HEATR1: variants seen among roughly 807,000 people sequenced by gnomAD.
HEATR1 encodes HEAT repeat containing 1, also known as HEAT repeat-containing protein 1.
HEATR1 carries 77 observed loss-of-function variants against 248.2 expected under a neutral mutation model. The observed-to-expected ratio is 0.31, with a 90% CI of 0.26 to 0.37. The LOEUF (loss-of-function observed/expected upper bound fraction) is 0.37, where lower values mean the gene tolerates loss of function less well. Ranked by LOEUF, HEATR1 falls within the 10% of genes least tolerant of loss-of-function variation. The pLI is 1.00. For synonymous variants in HEATR1, 897 were observed against 923.1 expected (o/e 0.97, Z 0.51); for missense variants, 2,420 against 2,504.9 (o/e 0.97, Z 0.72).
intron 13 of HEATR1, 45 bp downstream of exon 13, chr1:236,587,903 A>C: frequency 7.2e-7 from 1 of 1,390,708 alleles, no homozygotes. Flanking sequence ...AAGGGCAAGG[A>C]AATTTACAAA....
rs1231889192 is a variant in HEATR1 at position 236,551,234 on chromosome 1, TC to T, written c.6347-245del. On this transcript the variant is annotated intron_variant, in intron 44 of 44. Coordinates refer to ENST00000366582, the MANE Select transcript of HEATR1 (RefSeq NM_018072.6). ...AATAAGAATCCCCAAAACTCAAACT[TC>T]CTAGGGATGCCACCCCTTTAGTAGC... 19 of 478,836 alleles carry T rather than the reference TC, an allele frequency of 4.0e-5. No homozygotes were observed. In the East Asian group the frequency reaches 6.2e-4, roughly 16 times the overall value. 29.7% of individuals were successfully genotyped at this position (478,836 alleles called of 1,614,324 possible). A position where few individuals can be genotyped will look rare whatever the true frequency, so the allele number is the denominator to read the frequency against.
chr1:236,566,339 T>A (rs951593462), intron 30 of HEATR1, among the ~76,000 whole-genome samples: 4 of 152,168 alleles, frequency 2.6e-5, no homozygotes, highest in African/African-American at 9.7e-5. Flanking sequence ...GAAGAGACAC[T>A]GTTTCATTAC....
At chr1:236,571,274 T>C in intron 28 of HEATR1, 77 bp downstream of exon 28, 2 of 1,490,536 alleles carry the variant, frequency 1.3e-6, no homozygotes, top group Non-Finnish European at 1.8e-6. Context: ...AAATTTAAAA[T>C]CAACAGGTGC....
chr1:236,589,688 T>G (rs1199550654), intron 12 of HEATR1, among the ~76,000 whole-genome samples: 1 of 152,220 alleles, frequency 6.6e-6, no homozygotes, highest in East Asian at 1.9e-4. Flanking sequence ...ACGTTTACAC[T>G]GCCATGTGCT....
chr1:236,552,693 TAG>T (rs1199184136), intron 43 of HEATR1: 1 of 152,270 alleles, frequency 6.6e-6, no homozygotes, highest in Non-Finnish European at 1.5e-5. Context: ...AAGCAAGCAG[TAG>T]TTGGGTATTG....
Position 236,596,881 on chromosome 1 carries a change from G to A in HEATR1, c.699C>T (p.Asp233=), listed in dbSNP as rs12135515. ...TIVSALVAAE[D]VSDNIIAKLF... ...GTTTGGCGATGATATTGTCTGATAC[G>A]TCCTCTGCAGCTACCAGCGCCGACA... Residue 233 remains aspartate, a synonymous_variant, in exon 6 of 45, where the codon GAC becomes GAT. Transcript: ENST00000366582. 0.016 allele frequency: 26,105 copies of A among 1,613,870 alleles called. 256 individuals carry two copies. The highest frequency in any genetic ancestry group is 0.04 in the African/African-American group (2,971 of 74,992).
At chr1:236,556,500 C>T (rs1248293621) in intron 37 of HEATR1, among the ~76,000 whole-genome samples, 1 of 152,214 alleles carries the variant, frequency 6.6e-6, no homozygotes, top group African/African-American at 2.4e-5. Flanking sequence ...ACACACAGCA[C>T]CCAGACAGAT....
At position 236,558,352 on chromosome 1, in the gene HEATR1, C is replaced by T. The variant is rs1204014051; in HGVS notation, c.5089G>A (p.Val1697Met). The T allele has an allele frequency of 6.2e-7, 1 of 1,614,212 alleles. No individual in the cohort carries two copies. Among genetic ancestry groups the T allele is most frequent in the South Asian group, 1.1e-5 (1 of 91,084 alleles). ...TTTCTCTCTGGAGCAATCAGTTTCA[C>T]AGCAGTGTTCAGCACTGGGACAAAA... is the stretch of plus-strand genomic sequence containing the variant. ...DPFVPVLNTA[V>M]KLIAPERKEE... Residue 1697 changes from valine (V) to methionine (M), a missense_variant, in exon 36 of 45, where the codon GTG (valine) becomes ATG (methionine). Coordinates refer to ENST00000366582, the MANE Select transcript of HEATR1 (RefSeq NM_018072.6).
chr1:236,573,829 T>C (rs1208540782), intron 24 of HEATR1, among the ~76,000 whole-genome samples: 2 of 152,132 alleles, frequency 1.3e-5, no homozygotes, highest in Non-Finnish European at 2.9e-5. Flanking sequence ...AATTCCATTA[T>C]ATGTCATTAA....
In HEATR1 at chr1:236,559,752, G is replaced by A. The variant is rs984400999; in HGVS notation, c.4732C>T (p.Arg1578Cys). ...TCGTAAGCTTTACTAAGGAGCGCGC[G>A]CCAGAACTTCACGGTGAGTTTGTCT... ...NADKLTVKFW[R>C]ALLSKAYDLL... Residue 1578 changes from arginine to cysteine, a missense_variant, in exon 34 of 45, where the codon CGC becomes TGC. By Grantham distance (180) the Arg-to-Cys change is radical. Coordinates refer to ENST00000366582, the MANE Select transcript of HEATR1 (RefSeq NM_018072.6). 3.7e-6 allele frequency: 6 copies of A among 1,613,822 alleles called. No individual in the cohort carries two copies. The highest frequency in any genetic ancestry group is 2.7e-5 in the African/African-American group (2 of 74,862).
intron 44 of HEATR1, chr1:236,551,749 C>T (rs1046436698): frequency 7.2e-5 from 28 of 389,548 alleles, no homozygotes; most frequent in Admixed American, 2.2e-4. Context: ...AAGAAAAGAT[C>T]GTGAAGATTA....
At chr1:236,577,277 G>C (rs989919481) in intron 20 of HEATR1, among the ~76,000 whole-genome samples, 3 of 148,674 alleles carry the variant, frequency 2.0e-5, no homozygotes, top group Non-Finnish European at 4.5e-5. Flanking sequence ...TCAGCCTCTT[G>C]AGCAGCTGGG....
At chr1:236,563,747 T>C (rs1663198049) in intron 32 of HEATR1, among the ~76,000 whole-genome samples, 3 of 152,196 alleles carry the variant, frequency 2.0e-5, no homozygotes, top group Admixed American at 2.0e-4. Flanking sequence ...TCCTTCCTTT[T>C]CTCTCATTGT....
intron 22 of HEATR1, among the ~76,000 whole-genome samples, chr1:236,575,359 C>T (rs1572041826): frequency 6.6e-6 from 1 of 152,152 alleles, no homozygotes; most frequent in Non-Finnish European, 1.5e-5. Context: ...CAACAGACCA[C>T]CTGTTTTTGT....
chr1:236,599,978 A>G (rs1387236961), intron 3 of HEATR1, among the ~76,000 whole-genome samples: 1 of 147,202 alleles, frequency 6.8e-6, no homozygotes, highest in Non-Finnish European at 1.5e-5. Flanking sequence ...CTGCAGCCTC[A>G]ACCTCCCAGG....
rs760094476 is a variant in HEATR1, at chr1:236,555,986, A to G, written c.5515-47T>C. 25 of 1,610,136 alleles carry G rather than the reference A, an allele frequency of 1.6e-5. No homozygotes were observed. In the South Asian group the frequency reaches 2.3e-4, roughly 15 times the overall value. On this transcript the variant is annotated intron_variant, in intron 38 of 44. Transcript: ENST00000366582. Reference sequence around the variant, plus strand: ...GATGTGCCATTTTCAAATGATTCCTAGAGTTCAGCGGTGTGTATTTTTAAA... The same window carrying G: ...GATGTGCCATTTTCAAATGATTCCTGGAGTTCAGCGGTGTGTATTTTTAAA...
At chr1:236,588,688 C>T (rs189821078) in intron 12 of HEATR1, among the ~76,000 whole-genome samples, 25 of 152,236 alleles carry the variant, frequency 1.6e-4, no homozygotes, top group Non-Finnish European at 8.8e-5. Context: ...TATATTCATT[C>T]ACAGAGAAAG....
Position 236,549,788 on chromosome 1 carries a change from G to C in HEATR1, c.*1114C>G, listed in dbSNP as rs1371875174. On this transcript the variant is annotated 3_prime_UTR_variant, in exon 45 of 45. Transcript: ENST00000366582. ...AAATAGCCCACTCACATCATTCCTT[G>C]TAAGTCTTAAGTTCATTTTCATTTT... The C allele has an allele frequency of 6.6e-6, 1 of 152,120 alleles. No individual in the cohort carries two copies. The highest frequency in any genetic ancestry group is 2.4e-5 in the African/African-American group (1 of 41,420). 9.4% of individuals were successfully genotyped at this position (152,120 alleles called of 1,614,324 possible).
chr1:236,555,746 C>G, intron 39 of HEATR1, 59 bp downstream of exon 39: 1 of 1,609,754 alleles, frequency 6.2e-7, no homozygotes, highest in Non-Finnish European at 8.5e-7. Context: ...AGATTGTTCT[C>G]GGACTCTTCA....
Sources: gnomAD v4.1 joint callset for allele counts (sites outside exome capture counted in the v4.1 genomes callset) on GRCh38, gnomAD v4.1.1 for gene constraint, MANE v1.5 for transcripts, NCBI Gene and HGNC (gene_info 2026-07-23, HGNC 2026-07-21) for gene names.